The following PPP1R1A variants were observed in gnomAD, a reference collection of about 807,000 sequenced individuals.
PPP1R1A encodes the protein protein phosphatase 1 regulatory inhibitor subunit 1A.
Under a neutral mutation model 23.9 loss-of-function variants are expected in PPP1R1A, and 18 were observed. The observed-to-expected ratio is 0.75, with a 90% CI of 0.52 to 1.12. The LOEUF is 1.12. Among genes scored for constraint, PPP1R1A ranks in the 50% most tolerant of loss-of-function variants. The pLI, the probability that PPP1R1A is intolerant of heterozygous loss-of-function variation, is 0.00. For synonymous variants in PPP1R1A, 84 were observed against 80.7 expected (o/e 1.04, Z -0.22); for missense variants, 207 against 223.8 (o/e 0.92, Z 0.48).
In PPP1R1A at chr12:54,580,230, C is replaced by T. The variant is rs531382594; in HGVS notation, c.*157G>A. 66 of 1,448,286 alleles carry T rather than the reference C, an allele frequency of 4.6e-5. No homozygotes were observed. The East Asian group carries it at 1.3e-3, about 28-fold the overall frequency. The allele number at this position is 1,448,286 out of a possible 1,614,324, so 89.7% of individuals were successfully genotyped here. ...CAAGAAGGCAGGGAGAAAGGATTCT[C>T]CCAGTTGGAAAAGAAGGAAAGTGCC... On this transcript the variant is annotated 3_prime_UTR_variant, in exon 7 of 7. Transcript: ENST00000257905.
At chr12:54,583,110 G>T in intron 3 of PPP1R1A, 101 bp downstream of exon 3, 2 of 1,311,890 alleles carry the variant, frequency 1.5e-6, no homozygotes, top group Non-Finnish European at 2.1e-6. Flanking sequence ...GGAAGCGGGA[G>T]TCAAAAAGAT....
chr12:54,583,363 A>G, intron 2 of PPP1R1A, 115 bp from the exon 3 acceptor site: 1 of 1,033,676 alleles, frequency 9.7e-7, no homozygotes, highest in Non-Finnish European at 1.3e-6. Context: ...TCTGTCCCTC[A>G]CATCTGCCCC....
In PPP1R1A at chr12:54,585,395, C is replaced by A. The variant is rs189781619; in HGVS notation, c.85-1075G>T. Among the ~76,000 whole-genome samples the A allele has an allele frequency of 4.3e-3, 656 of 152,274 alleles. 3 individuals carry two copies. The highest frequency in any genetic ancestry group is 0.015 in the South Asian group (74 of 4,820). ...CCTGCCTCTGAGCCCCCTTTCCCCCCACTGTTGTTCTTTTGTCACGCTGCC... is the reference window on the plus strand; with the variant it reads ...CCTGCCTCTGAGCCCCCTTTCCCCCAACTGTTGTTCTTTTGTCACGCTGCC... On this transcript the variant is annotated intron_variant, in intron 1 of 6. Coordinates refer to ENST00000257905, the MANE Select transcript of PPP1R1A (RefSeq NM_006741.4).
chr12:54,582,036 G>A lies in PPP1R1A; in HGVS notation c.343C>T (p.Pro115Ser). Reference protein sequence around the residue: ...AESTGTQESRPPGIPDTEVES... With the variant: ...AESTGTQESRSPGIPDTEVES... ...ACTTCTGTGTCTGGGATCCCAGGTG[G>A]GCGGGACTCCTGGGTTCCTGTGCTC... Residue 115 changes from proline (P) to serine (S), a missense_variant, in exon 5 of 7, where the codon CCA (proline) becomes TCA (serine). Coordinates refer to ENST00000257905, the MANE Select transcript of PPP1R1A (RefSeq NM_006741.4). 6.2e-7 allele frequency: 1 copy of A among 1,613,760 alleles called. No individual in the cohort carries two copies. Among genetic ancestry groups the A allele is most frequent in the Non-Finnish European group, 8.5e-7 (1 of 1,179,794 alleles).
chr12:54,584,343 G>T, intron 1 of PPP1R1A, 23 bp from the exon 2 acceptor site: 1 of 1,576,736 alleles, frequency 6.3e-7, no homozygotes, highest in Non-Finnish European at 8.6e-7. Context: ...GGGAAATGGG[G>T]AAGAGGTCAA....
intron 1 of PPP1R1A, among the ~76,000 whole-genome samples, chr12:54,585,159 C>A (rs777578043): frequency 6.6e-6 from 1 of 152,222 alleles, no homozygotes; most frequent in Non-Finnish European, 1.5e-5. Context: ...GTGCCCCTCA[C>A]TCCCTAATGT....
At position 54,584,316 on chromosome 12, in the gene PPP1R1A, C is replaced by G; in HGVS notation, c.89G>C (p.Arg30Pro). 1.9e-6 allele frequency: 3 copies of G among 1,599,998 alleles called. No individual in the cohort carries two copies. Among genetic ancestry groups the G allele is most frequent in the Non-Finnish European group, 2.6e-6 (3 of 1,173,662 alleles). ...HLDPEAAEQIRRRRPTPATLV... is the reference protein window; with the variant it reads ...HLDPEAAEQIPRRRPTPATLV... ...GGTGGCAGGGGTGGGGCGGCGCCTCCGAATCTGAGGGAAGGTGGGAAATGG... is the reference window on the plus strand; with the variant it reads ...GGTGGCAGGGGTGGGGCGGCGCCTCGGAATCTGAGGGAAGGTGGGAAATGG... Residue 30 changes from arginine (R) to proline (P), a missense_variant, in exon 2 of 7, where the codon CGG (arginine) becomes CCG (proline). Transcript: ENST00000257905.
At chr12:54,586,855 G>T (rs1396844687) in intron 1 of PPP1R1A, among the ~76,000 whole-genome samples, 1 of 152,130 alleles carries the variant, frequency 6.6e-6, no homozygotes, top group Non-Finnish European at 1.5e-5. Flanking sequence ...CTGTGCCAGT[G>T]GGAGGCAGTT....
At chr12:54,583,348 C>A in intron 2 of PPP1R1A, 100 bp from the exon 3 acceptor site, 1 of 1,154,832 alleles carries the variant, frequency 8.7e-7, no homozygotes. Context: ...CCATGCTCCT[C>A]CTGATCTGTC....
intron 3 of PPP1R1A, 146 bp from the exon 4 acceptor site, chr12:54,582,941 T>C (rs928163661): frequency 1.1e-6 from 1 of 904,082 alleles, no homozygotes; most frequent in African/African-American, 1.7e-5. Context: ...CTGGGGTAGG[T>C]GTGAGCTTCA....
In PPP1R1A at chr12:54,582,004, T is replaced by G. The variant is rs369488989; in HGVS notation, c.375A>C (p.Ser125=). The G allele has an allele frequency of 1.4e-4, 229 of 1,613,194 alleles. No homozygotes were observed. The highest frequency in any genetic ancestry group is 1.9e-4 in the Non-Finnish European group (220 of 1,179,594). The part of the protein sequence containing the change: ...PPGIPDTEVE[S]RLGTSGTAKK... ...TTGCTGTCCCAGAGGTGCCCAGCCT[T>G]GACTCCACTTCTGTGTCTGGGATCC... The change falls in exon 5 of 7, where the codon TCA becomes TCC. Residue 125 remains serine (S), a synonymous_variant. Transcript: ENST00000257905.
Position 54,582,118 on chromosome 12 carries a change from C to T in PPP1R1A, c.261G>A (p.Met87Ile). 6.2e-7 allele frequency: 1 copy of T among 1,613,244 alleles called. No homozygotes were observed. Among genetic ancestry groups the T allele is most frequent in the Non-Finnish European group, 8.5e-7 (1 of 1,179,506 alleles). ...GCTGTTGCCCCAGGTGATGTTCAAC[C>T]ATCATCTGGAGCTCTGGGGACACAG... ...ITPTMKELQM[M>I]VEHHLGQQQQ... The change falls in exon 5 of 7, where the codon ATG (methionine) becomes ATA (isoleucine). Residue 87 changes from methionine (M) to isoleucine (I), a missense_variant. By Grantham distance (10) the Met-to-Ile change is conservative. Coordinates refer to ENST00000257905, the MANE Select transcript of PPP1R1A (RefSeq NM_006741.4).
rs1377059394 is a variant in PPP1R1A at position 54,581,287 on chromosome 12, A to C, written c.404-237T>G. On this transcript the variant is annotated intron_variant, in intron 5 of 6. Coordinates refer to ENST00000257905, the MANE Select transcript of PPP1R1A (RefSeq NM_006741.4). This position sits in a 1 kb window ranked among gnomAD's most constrained non-coding sequence, Gnocchi z 4.1. ...AGAATAAACCCTCTACAGTTTAAAA[A>C]ACAAAACTCAATATGTGTCTAAACC... Among the ~76,000 whole-genome samples the C allele has an allele frequency of 1.2e-4, 19 of 152,228 alleles. No homozygotes were observed. Among genetic ancestry groups the C allele is most frequent in the Non-Finnish European group, 7.3e-5 (5 of 68,042 alleles).
Position 54,588,513 on chromosome 12 carries a change from CG to C in PPP1R1A, c.-26del. 7.6e-7 allele frequency: 1 copy of C among 1,310,508 alleles called. No individual in the cohort carries two copies. The allele number at this position is 1,310,508 out of a possible 1,614,324, so 81.2% of individuals were successfully genotyped here. On this transcript the variant is annotated 5_prime_UTR_variant, in exon 1 of 7. Transcript: ENST00000257905. ...TGGCTGGGGCGGCGGCCGGTGGGCC[CG>C]CGCTGCGGCGGGAGGGAAGGCGGCG... is the stretch of plus-strand genomic sequence containing the variant.
chr12:54,584,109 C>T (rs923704792), intron 2 of PPP1R1A, 151 bp downstream of exon 2: 11 of 843,014 alleles, frequency 1.3e-5, no homozygotes, highest in Non-Finnish European at 1.9e-5. Flanking sequence ...AAAGAATATT[C>T]TGCAATCTAG....
chr12:54,583,264 A>G lies in PPP1R1A; in HGVS notation c.146-16T>C. The G allele has an allele frequency of 6.6e-7, 1 of 1,505,786 alleles. No individual in the cohort carries two copies. Among genetic ancestry groups the G allele is most frequent in the Non-Finnish European group, 8.8e-7 (1 of 1,130,948 alleles). 93.3% of individuals were successfully genotyped at this position (1,505,786 alleles called of 1,614,324 possible). On this transcript the variant is annotated splice_polypyrimidine_tract_variant and intron_variant, in intron 2 of 6. Coordinates refer to ENST00000257905, the MANE Select transcript of PPP1R1A (RefSeq NM_006741.4). ...TCATCTATCTCTGAAGGGAACAGGG[A>G]AAGGAGAGGGTGATAAGGACAGGAA... is the stretch of plus-strand genomic sequence containing the variant.
chr12:54,583,046 G>A (rs984128001), intron 3 of PPP1R1A, among the ~76,000 whole-genome samples, 165 bp downstream of exon 3: 3 of 152,184 alleles, frequency 2.0e-5, no homozygotes, highest in Non-Finnish European at 4.4e-5. Flanking sequence ...GTGTGTGTGT[G>A]TGGGGTGCAT....
In PPP1R1A at chr12:54,581,939, A is replaced by G. The variant is rs371778798; in HGVS notation, c.403+37T>C. On this transcript the variant is annotated intron_variant, in intron 5 of 6. Coordinates refer to ENST00000257905, the MANE Select transcript of PPP1R1A (RefSeq NM_006741.4). The surrounding 1 kb of genome is among the most constrained non-coding windows in gnomAD (Gnocchi z 4.1). ...AGGCTTGCCTCCTGCTGGGCTGGGA[A>G]ATAGGATGCCTGGGGCCCTCCCCAG... 7.8e-5 allele frequency: 124 copies of G among 1,581,036 alleles called. No individual in the cohort carries two copies. In the African/African-American group the frequency reaches 1.4e-3, roughly 18 times the overall value.
At chr12:54,588,240 G>C (rs899614562) in intron 1 of PPP1R1A, among the ~76,000 whole-genome samples, 165 bp downstream of exon 1, 1 of 150,838 alleles carries the variant, frequency 6.6e-6, no homozygotes, top group Non-Finnish European at 1.5e-5. Flanking sequence ...TCCGACGGTG[G>C]GGGAGGGGAC....
Sources: allele counts gnomAD v4.1 joint callset (sites outside exome capture counted in the v4.1 genomes callset), GRCh38; gene constraint gnomAD v4.1.1; non-coding constraint Gnocchi (gnomAD v3.1); transcripts MANE v1.5; gene names NCBI Gene and HGNC (gene_info 2026-07-23, HGNC 2026-07-21).